The following FBXL17 variants were observed in gnomAD, a reference collection of about 807,000 sequenced individuals.
The protein encoded by FBXL17 is F-box/LRR-repeat protein 17.
In FBXL17, 22 loss-of-function variants were observed where a neutral mutation model predicts 66.2. The ratio of observed to expected loss-of-function variants is 0.33; its 90% CI spans 0.24 to 0.47. The LOEUF (loss-of-function observed/expected upper bound fraction) is 0.47. FBXL17 is among the 20% of genes least tolerant of loss of function. FBXL17 has a pLI of 1.00. For missense variants in FBXL17, 878 were observed against 948.2 expected, an observed-to-expected ratio of 0.93 and a Z score of 0.97; for synonymous variants, 474 against 400.5, an observed-to-expected ratio of 1.18 and a Z score of -2.19.
At chr5:107,899,138 C>A (rs745925656) in intron 7 of FBXL17, among the ~76,000 whole-genome samples, 14 of 152,300 alleles carry the variant, frequency 9.2e-5, no homozygotes, top group Admixed American at 3.3e-4. Flanking sequence ...TCTGCTGTTT[C>A]CTCACTTTTT....
intron 4 of FBXL17, among the ~76,000 whole-genome samples, chr5:108,289,468 T>C (rs1036331842): frequency 6.6e-6 from 1 of 152,052 alleles, no homozygotes; most frequent in Non-Finnish European, 1.5e-5. Flanking sequence ...AAGTATCAGT[T>C]TGAAGAAGTG....
At chr5:108,362,246 A>G (rs1193885767) in intron 3 of FBXL17, among the ~76,000 whole-genome samples, 2 of 152,146 alleles carry the variant, frequency 1.3e-5, no homozygotes, top group Non-Finnish European at 2.9e-5. Context: ...GTACCATTTT[A>G]TCTGAAAAAA....
chr5:108,224,460 T>A (rs562351751), intron 4 of FBXL17, among the ~76,000 whole-genome samples: 1 of 152,140 alleles, frequency 6.6e-6, no homozygotes, highest in Non-Finnish European at 1.5e-5. Flanking sequence ...TCAGACATGT[T>A]GACACTGGCT....
At chr5:107,942,747 A>G (rs1751151441) in intron 7 of FBXL17, among the ~76,000 whole-genome samples, 1 of 149,210 alleles carries the variant, frequency 6.7e-6, no homozygotes, top group Non-Finnish European at 1.5e-5. Context: ...TCTGTGTACA[A>G]ACAGGCACAA....
chr5:108,348,804 T>A (rs1260488774), intron 3 of FBXL17, among the ~76,000 whole-genome samples: 1 of 152,120 alleles, frequency 6.6e-6, no homozygotes, highest in Non-Finnish European at 1.5e-5. Context: ...TATCTATTAC[T>A]CCAGTATATA....
chr5:107,885,617 T>G (rs532281804), intron 7 of FBXL17, among the ~76,000 whole-genome samples: 1 of 152,280 alleles, frequency 6.6e-6, no homozygotes, highest in East Asian at 1.9e-4. Context: ...AGGAATTAAT[T>G]TGGAATGATT....
chr5:107,866,854 G>A (rs1311525575), intron 8 of FBXL17, among the ~76,000 whole-genome samples: 1 of 152,118 alleles, frequency 6.6e-6, no homozygotes, highest in Non-Finnish European at 1.5e-5. Flanking sequence ...GAGAATTTCA[G>A]TCATCTCTTT....
At chr5:108,171,765 T>C (rs1194554908) in intron 6 of FBXL17, among the ~76,000 whole-genome samples, 1 of 152,180 alleles carries the variant, frequency 6.6e-6, no homozygotes, top group Admixed American at 6.5e-5. Flanking sequence ...GATAGTGATA[T>C]GGTTTGGCTG....
chr5:108,167,447 T>TA (rs5870299), intron 6 of FBXL17, among the ~76,000 whole-genome samples: 85,666 of 152,010 alleles, frequency 0.56, 24,403 homozygotes, highest in East Asian at 0.76. Context: ...AAAGAGAACT[T>TA]AATAAGTTTA....
intron 7 of FBXL17, among the ~76,000 whole-genome samples, chr5:107,941,687 G>C (rs902057169): frequency 1.3e-5 from 2 of 152,122 alleles, no homozygotes; most frequent in South Asian, 4.1e-4. Flanking sequence ...CCACGTTAGA[G>C]ATATAGAAAG....
rs1480314957 is a variant in FBXL17 at position 108,380,858 on chromosome 5, A to G, written c.834T>C (p.Ala278=). The change falls in exon 1 of 9, where the codon GCT becomes GCC. Residue 278 remains alanine, a synonymous_variant. Transcript: ENST00000542267. ...AGGGGGCGGTGCCCCCGGCTCGGACAGCGTCCCCGCCAGCTTCGGTGGGGG... is the reference window on the plus strand; with the variant it reads ...AGGGGGCGGTGCCCCCGGCTCGGACGGCGTCCCCGCCAGCTTCGGTGGGGG... ...EGAPTEAGGD[A]VRAGGTAPLS... 1.6e-6 allele frequency: 2 copies of G among 1,245,430 alleles called. No individual in the cohort carries two copies. Among genetic ancestry groups the G allele is most frequent in the African/African-American group, 3.1e-5 (2 of 64,382 alleles). 77.1% of individuals were successfully genotyped at this position (1,245,430 alleles called of 1,614,324 possible).
chr5:108,352,321 A>G (rs369611834), intron 3 of FBXL17, among the ~76,000 whole-genome samples: 1 of 152,254 alleles, frequency 6.6e-6, no homozygotes. Flanking sequence ...GTCAATCATT[A>G]TAACTGATAT....
At chr5:107,864,959 C>T (rs1178060980) in intron 8 of FBXL17, among the ~76,000 whole-genome samples, 1 of 152,146 alleles carries the variant, frequency 6.6e-6, no homozygotes, top group Non-Finnish European at 1.5e-5. Flanking sequence ...CTTCCTTCTG[C>T]CATAAACAAA....
At chr5:108,230,534 C>T (rs1755285088) in intron 4 of FBXL17, among the ~76,000 whole-genome samples, 1 of 151,954 alleles carries the variant, frequency 6.6e-6, no homozygotes, top group African/African-American at 2.4e-5. Flanking sequence ...GATGCAAAGG[C>T]ATAAGAACGA....
rs76320489 is a variant in FBXL17 at position 108,364,480 on chromosome 5, T to A, written c.1374+258A>T. Among the ~76,000 whole-genome samples, 855 of 152,094 alleles carry A rather than the reference T, an allele frequency of 5.6e-3. 4 individuals carry two copies. The highest frequency in any genetic ancestry group is 0.01 in the Admixed American group (159 of 15,244). ...CCAAAGCAAAATGTGGTAAAAAATT[T>A]AAGTAACAAAAGCATAAATTTATAA... is the stretch of plus-strand genomic sequence containing the variant. On this transcript the variant is annotated intron_variant, in intron 3 of 8. Coordinates refer to ENST00000542267, the MANE Select transcript of FBXL17 (RefSeq NM_001163315.3).
At chr5:108,156,486 TA>T (rs968262151) in intron 6 of FBXL17, among the ~76,000 whole-genome samples, 4 of 151,970 alleles carry the variant, frequency 2.6e-5, no homozygotes, top group Non-Finnish European at 4.4e-5. Flanking sequence ...TAAACCGAAG[TA>T]TTTTTTTTAA....
intron 7 of FBXL17, among the ~76,000 whole-genome samples, chr5:107,975,882 CG>C (rs1243481840): frequency 8.3e-6 from 1 of 119,980 alleles, no homozygotes; most frequent in Non-Finnish European, 1.7e-5. Context: ...TTTTTTGAAA[CG>C]GGGTCTCACT....
chr5:108,323,725 G>A (rs569285141), intron 4 of FBXL17, among the ~76,000 whole-genome samples: 27 of 152,100 alleles, frequency 1.8e-4, no homozygotes, highest in African/African-American at 6.0e-4. Context: ...TACAAAAAGC[G>A]TAGTGCTGGC....
At chr5:108,160,337 T>G (rs561222259) in intron 6 of FBXL17, among the ~76,000 whole-genome samples, 19 of 152,300 alleles carry the variant, frequency 1.2e-4, no homozygotes, top group African/African-American at 4.3e-4. Context: ...TGGCTCTTAG[T>G]GGTTATAAAT....
Sources: allele counts gnomAD v4.1 joint callset (sites outside exome capture counted in the v4.1 genomes callset), GRCh38; gene constraint gnomAD v4.1.1; transcripts MANE v1.5; gene names NCBI Gene and HGNC (gene_info 2026-07-23, HGNC 2026-07-21).